The following KCNIP3 variants were observed in gnomAD, a reference collection of about 807,000 sequenced individuals.
KCNIP3 encodes calsenilin.
A neutral mutation model predicts 35.0 loss-of-function variants in KCNIP3; 28 were observed. The ratio of observed to expected loss-of-function variants is 0.80; its 90% CI spans 0.59 to 1.10. The LOEUF is 1.10. Among genes scored for constraint, KCNIP3 ranks in the 50% least tolerant of loss-of-function variants. The pLI is 0.00. For missense variants in KCNIP3, 295 were observed against 338.4 expected (o/e 0.87, Z 1.01); for synonymous variants, 134 against 133.8 (o/e 1.00, Z -0.01).
intron 2 of KCNIP3, among the ~76,000 whole-genome samples, chr2:95,315,832 C>T (rs1355316756): frequency 1.3e-5 from 2 of 152,192 alleles, no homozygotes; most frequent in African/African-American, 4.8e-5. Context: ...GTCGCAGCCC[C>T]CGCAGGTACA....
intron 2 of KCNIP3, among the ~76,000 whole-genome samples, chr2:95,338,599 C>T (rs1177585985): frequency 1.3e-5 from 2 of 152,146 alleles, no homozygotes. Flanking sequence ...ATAAAGACCC[C>T]GGGAAATGTA....
intron 2 of KCNIP3, among the ~76,000 whole-genome samples, chr2:95,354,080 T>C (rs1679593858): frequency 6.6e-6 from 1 of 152,154 alleles, no homozygotes; most frequent in African/African-American, 2.4e-5. Flanking sequence ...GACAAGTCAC[T>C]TCTGTCTGAG....
At chr2:95,297,585 G>T (rs558246074) in intron 1 of KCNIP3, 132 bp downstream of exon 1, 2 of 770,982 alleles carry the variant, frequency 2.6e-6, no homozygotes, top group South Asian at 1.8e-5. Context: ...TTTCCTTTGG[G>T]GAAAGTGAGC....
At chr2:95,323,986 G>A (rs1328320919) in intron 2 of KCNIP3, among the ~76,000 whole-genome samples, 1 of 152,172 alleles carries the variant, frequency 6.6e-6, no homozygotes, top group Non-Finnish European at 1.5e-5. Context: ...CCACACTCCG[G>A]GCCTGCACCT....
chr2:95,318,173 C>A (rs999389303), intron 2 of KCNIP3, among the ~76,000 whole-genome samples: 1 of 152,128 alleles, frequency 6.6e-6, no homozygotes, highest in Non-Finnish European at 1.5e-5. Context: ...TGGGATCCCC[C>A]ACTCATGGGC....
intron 2 of KCNIP3, among the ~76,000 whole-genome samples, chr2:95,350,463 C>A (rs1450824743): frequency 6.6e-6 from 1 of 152,200 alleles, no homozygotes; most frequent in Non-Finnish European, 1.5e-5. Context: ...TTGTTAAATT[C>A]ATGAGGGAAC....
chr2:95,297,833 G>A (rs1257065321), intron 1 of KCNIP3, among the ~76,000 whole-genome samples: 3 of 152,170 alleles, frequency 2.0e-5, no homozygotes, highest in Non-Finnish European at 4.4e-5. Flanking sequence ...GTGCCAGCGT[G>A]GCTGACACTG....
At chr2:95,379,311 A>G (rs1404417576) in intron 5 of KCNIP3, among the ~76,000 whole-genome samples, 1 of 152,212 alleles carries the variant, frequency 6.6e-6, no homozygotes, top group African/African-American at 2.4e-5. Flanking sequence ...GCCTACGGTT[A>G]ACATTGGTCC....
In KCNIP3 at chr2:95,382,330, C is replaced by T. The variant is rs1256760746; in HGVS notation, c.556-47C>T. On this transcript the variant is annotated intron_variant, in intron 6 of 8. Coordinates refer to ENST00000295225, the MANE Select transcript of KCNIP3 (RefSeq NM_013434.5). This position sits in a 1 kb window ranked among gnomAD's most constrained non-coding sequence, Gnocchi z 4.5. ...GCCGCCCGCTCCCTTTGGGCCCTCA[C>T]AGCCACCCCGGCCTTGCAGCAGGCT... The T allele has an allele frequency of 7.3e-7, 1 of 1,375,048 alleles. No individual in the cohort carries two copies. The highest frequency in any genetic ancestry group is 9.9e-7 in the Non-Finnish European group (1 of 1,008,244). 85.2% of individuals were successfully genotyped at this position (1,375,048 alleles called of 1,614,324 possible). A position where few individuals can be genotyped will look rare whatever the true frequency, so the allele number is the denominator to read the frequency against.
intron 1 of KCNIP3, chr2:95,310,089 A>C (rs1321465758): frequency 1.0e-5 from 6 of 593,144 alleles, no homozygotes; most frequent in Non-Finnish European, 1.9e-5. Flanking sequence ...GTCTGGGATC[A>C]CTGCTGACAT....
chr2:95,349,704 A>C (rs1176605267), intron 2 of KCNIP3, among the ~76,000 whole-genome samples: 1 of 152,224 alleles, frequency 6.6e-6, no homozygotes, highest in Non-Finnish European at 1.5e-5. Flanking sequence ...CCTCAGTGTG[A>C]CAGACCCTGG....
intron 2 of KCNIP3, among the ~76,000 whole-genome samples, chr2:95,345,833 C>A (rs888428479): frequency 3.3e-5 from 5 of 152,242 alleles, no homozygotes; most frequent in African/African-American, 1.2e-4. Context: ...TTTCCCTCCT[C>A]TACCAGACCC....
chr2:95,355,169 G>A (rs1333198841), intron 2 of KCNIP3: 6 of 152,176 alleles, frequency 3.9e-5, no homozygotes, highest in African/African-American at 1.4e-4. Flanking sequence ...ATGGTTGTGT[G>A]TGTCCCAGCC....
At position 95,315,478 on chromosome 2, in the gene KCNIP3, C is replaced by T. The variant is rs756802147; in HGVS notation, c.181+4958C>T. On this transcript the variant is annotated intron_variant, in intron 2 of 8. Transcript: ENST00000295225. ...GTGAAGCACTTGCTGTCCCACACTC[C>T]GGGTGGTTCCTCCCCAGGCCTCCCA... Among the ~76,000 whole-genome samples the T allele has an allele frequency of 3.9e-5, 6 of 152,284 alleles. 1 individual carries two copies. In the Middle Eastern group the frequency reaches 0.01, roughly 259 times the overall value.
rs188501278 is a variant in KCNIP3, at chr2:95,332,105, C to A, written c.181+21585C>A. 9.2e-5 allele frequency among the ~76,000 whole-genome samples: 14 copies of A among 152,358 alleles called. No individual in the cohort carries two copies. The East Asian group carries it at 2.7e-3, about 29-fold the overall frequency. ...AGTTAGCCTTAATACAGCATCTCAGCATTCAGACAGAGAGAGGAGGCACAG... is the reference window on the plus strand; with the variant it reads ...AGTTAGCCTTAATACAGCATCTCAGAATTCAGACAGAGAGAGGAGGCACAG... On this transcript the variant is annotated intron_variant, in intron 2 of 8. Coordinates refer to ENST00000295225, the MANE Select transcript of KCNIP3 (RefSeq NM_013434.5).
chr2:95,369,528 C>T (rs2104294547), intron 2 of KCNIP3, among the ~76,000 whole-genome samples: 1 of 152,178 alleles, frequency 6.6e-6, no homozygotes, highest in Non-Finnish European at 1.5e-5. Flanking sequence ...TTCATAATAT[C>T]CCCTTTTTAT....
rs185143466 is a variant in KCNIP3, at chr2:95,353,325, G to A, written c.182-20971G>A. Among the ~76,000 whole-genome samples, 48 of 152,320 alleles carry A rather than the reference G, an allele frequency of 3.2e-4. No individual in the cohort carries two copies. In the East Asian group the frequency reaches 5.2e-3, roughly 17 times the overall value. On this transcript the variant is annotated intron_variant, in intron 2 of 8. Coordinates refer to ENST00000295225, the MANE Select transcript of KCNIP3 (RefSeq NM_013434.5). The stretch of plus-strand genomic sequence containing the variant: ...AGCAGCTGACACCAGGCCCCTCATC[G>A]GATGTGGCTGTGTGGTCCAGTTCAG...
chr2:95,377,457 T>A lies in KCNIP3; in HGVS notation c.447+2249T>A, dbSNP rs1309707344. On this transcript the variant is annotated intron_variant, in intron 5 of 8. Transcript: ENST00000295225. This position sits in a 1 kb window ranked among gnomAD's most constrained non-coding sequence, Gnocchi z 4.7. ...CCCTCGCTGAGCACCTGCTCCGGGC[T>A]CTGCCGGGAGACCCTCCTGTGCACT... Among the ~76,000 whole-genome samples the A allele has an allele frequency of 6.6e-6, 1 of 152,246 alleles. No homozygotes were observed. Among genetic ancestry groups the A allele is most frequent in the Admixed American group, 6.5e-5 (1 of 15,292 alleles).
At chr2:95,363,737 T>C (rs1212530622) in intron 2 of KCNIP3, among the ~76,000 whole-genome samples, 1 of 152,254 alleles carries the variant, frequency 6.6e-6, no homozygotes, top group Non-Finnish European at 1.5e-5. Flanking sequence ...AGAATATCTT[T>C]CCATGTAGAG....
Sources: gnomAD v4.1 joint callset for allele counts (sites outside exome capture counted in the v4.1 genomes callset) on GRCh38, gnomAD v4.1.1 for gene constraint, Gnocchi (gnomAD v3.1) non-coding constraint, MANE v1.5 for transcripts, NCBI Gene and HGNC (gene_info 2026-07-23, HGNC 2026-07-21) for gene names.